ZFHX3: variants seen among roughly 807,000 people sequenced by gnomAD.
ZFHX3 encodes zinc finger homeobox protein 3.
In ZFHX3, 42 loss-of-function variants were observed where a neutral mutation model predicts 279.1. That is an observed-to-expected ratio of 0.15 (90% CI 0.12 to 0.19). The LOEUF is 0.19. Among genes scored for constraint, ZFHX3 ranks in the 10% least tolerant of loss-of-function variants. The pLI is 1.00. For missense variants in ZFHX3, 4,981 were observed against 4,754.0 expected (o/e 1.05, Z -1.40); for synonymous variants, 2,293 against 1,957.8 (o/e 1.17, Z -4.52).
chr16:73,428,879 C>T (rs561899655), intron 3 of ZFHX3, among the ~76,000 whole-genome samples: 22 of 152,204 alleles, frequency 1.4e-4, no homozygotes, highest in Admixed American at 5.2e-4. Context: ...GCGTTCTTCC[C>T]GTCAGCCTCA....
At chr16:72,995,330 C>T (rs965893629) in intron 1 of ZFHX3, among the ~76,000 whole-genome samples, 1 of 152,126 alleles carries the variant, frequency 6.6e-6, no homozygotes, top group African/African-American at 2.4e-5. Flanking sequence ...CCCTGGAGGA[C>T]GGAACGGGAA....
intron 2 of ZFHX3, among the ~76,000 whole-genome samples, chr16:73,578,612 A>C (rs569371473): frequency 1.4e-4 from 21 of 152,326 alleles, no homozygotes; most frequent in African/African-American, 4.8e-4. Context: ...ACAGACACCC[A>C]AGGAAGTGAT....
chr16:73,774,000 C>T (rs11859018), intron 1 of ZFHX3, among the ~76,000 whole-genome samples: 4,865 of 152,068 alleles, frequency 0.032, 245 homozygotes, highest in African/African-American at 0.11. Context: ...TAGCCAGGCA[C>T]GGTGACATGT....
intron 4 of ZFHX3, among the ~76,000 whole-genome samples, chr16:72,854,263 C>T (rs1466658188): frequency 2.6e-5 from 4 of 152,216 alleles, no homozygotes; most frequent in Non-Finnish European, 5.9e-5. Flanking sequence ...TTTTCTTTGC[C>T]TCCCATGTTT....
At chr16:73,659,499 A>G (rs2142173659) in intron 2 of ZFHX3, among the ~76,000 whole-genome samples, 1 of 152,118 alleles carries the variant, frequency 6.6e-6, no homozygotes, top group Non-Finnish European at 1.5e-5. Context: ...CCTAAATGTT[A>G]CCCTCAGAGA....
At chr16:73,170,397 ATTTG>A (rs1967494723) in intron 5 of ZFHX3, among the ~76,000 whole-genome samples, 1 of 151,518 alleles carries the variant, frequency 6.6e-6, no homozygotes, top group Admixed American at 6.6e-5. Context: ...GACCCAGCTA[ATTTG>A]TTTATTTTGG....
At chr16:73,221,345 C>T (rs1421639153) in intron 5 of ZFHX3, among the ~76,000 whole-genome samples, 1 of 151,984 alleles carries the variant, frequency 6.6e-6, no homozygotes, top group Admixed American at 6.6e-5. Flanking sequence ...TATACATCTT[C>T]AAATATAAAG....
chr16:73,630,359 C>T lies in ZFHX3; in HGVS notation c.-1547+49821G>A, dbSNP rs142070141. ...GAACAAGTTTTATCTGGGGATCTCA[C>T]TTCATGTACATTGCTTTTCTAGAGC... On this transcript the variant is annotated intron_variant, in intron 2 of 17. Coordinates refer to the ZFHX3 transcript ENST00000641206. Among the ~76,000 whole-genome samples, 587 of 152,324 alleles carry T rather than the reference C, an allele frequency of 3.9e-3. 5 individuals carry two copies. Among genetic ancestry groups the T allele is most frequent in the African/African-American group, 0.014 (568 of 41,580 alleles).
At chr16:72,811,833 C>T (rs2036460314) in intron 6 of ZFHX3, 56 bp from the exon 7 acceptor site, 1 of 1,597,448 alleles carries the variant, frequency 6.3e-7, no homozygotes, top group Non-Finnish European at 8.6e-7. Flanking sequence ...AGCCCGCCCA[C>T]CCAAAAGTTT....
intron 4 of ZFHX3, among the ~76,000 whole-genome samples, chr16:72,871,537 T>C (rs1481987595): frequency 6.6e-6 from 1 of 151,972 alleles, no homozygotes; most frequent in African/African-American, 2.4e-5. Context: ...AGACGGGGTT[T>C]CACCACGTTG....
rs143922075 is a variant in ZFHX3 at position 73,518,565 on chromosome 16, G to A, written c.-1546-62307C>T. Among the ~76,000 whole-genome samples the A allele has an allele frequency of 2.0e-3, 311 of 152,238 alleles. 1 individual carries two copies. Among genetic ancestry groups the A allele is most frequent in the African/African-American group, 7.4e-3 (306 of 41,544 alleles). On this transcript the variant is annotated intron_variant, in intron 2 of 17. Coordinates refer to the ZFHX3 transcript ENST00000641206. ...ACAGTTAGCTCCTGGTCTGACAGGG[G>A]GAAGACTCTGCCCCGAGCAAGACAT... is the stretch of plus-strand genomic sequence containing the variant.
intron 5 of ZFHX3, among the ~76,000 whole-genome samples, chr16:73,178,379 T>G (rs982720849): frequency 6.6e-6 from 1 of 152,198 alleles, no homozygotes; most frequent in Non-Finnish European, 1.5e-5. Context: ...CCTCAAGTGA[T>G]CCGCCTGCCT....
At chr16:73,618,431 G>A (rs997247615) in intron 2 of ZFHX3, among the ~76,000 whole-genome samples, 1 of 152,108 alleles carries the variant, frequency 6.6e-6, no homozygotes, top group Non-Finnish European at 1.5e-5. Flanking sequence ...AAGCCTAGGA[G>A]GATTATTGTC....
chr16:73,187,940 G>A (rs1368664978), intron 5 of ZFHX3, among the ~76,000 whole-genome samples: 3 of 151,608 alleles, frequency 2.0e-5, no homozygotes, highest in Non-Finnish European at 4.4e-5. Flanking sequence ...CTCACTGCAA[G>A]CTCCGCCTCC....
chr16:73,884,238 G>A (rs1038415232), intron 1 of ZFHX3, among the ~76,000 whole-genome samples: 6 of 152,164 alleles, frequency 3.9e-5, no homozygotes, highest in Middle Eastern at 3.4e-3. Flanking sequence ...TGTACCTACT[G>A]ATCTGAATAC....
intron 3 of ZFHX3, among the ~76,000 whole-genome samples, chr16:72,930,155 T>G (rs1398549960): frequency 6.6e-6 from 1 of 152,038 alleles, no homozygotes; most frequent in African/African-American, 2.4e-5. Context: ...GAGGTGGAGG[T>G]TGCAGTGAGC....
Position 72,794,204 on chromosome 16 carries a change from G to A in ZFHX3, c.8478C>T (p.Asp2826=). 1 of 1,614,196 alleles carries A rather than the reference G, an allele frequency of 6.2e-7. No homozygotes were observed. Among genetic ancestry groups the A allele is most frequent in the African/African-American group, 1.3e-5 (1 of 75,040 alleles). The part of the protein sequence containing the change: ...PSMSSVNLNF[D]QTKLDNDDCS... The stretch of plus-strand genomic sequence containing the variant: ...AGTCATCGTTGTCCAGCTTAGTTTG[G>A]TCAAAGTTTAGATTAACTGAGGACA... Residue 2826 remains aspartate (D), a synonymous_variant, in exon 9 of 10, where the codon GAC becomes GAT. Transcript: ENST00000268489. The surrounding 1 kb of genome is among the most constrained non-coding windows in gnomAD (Gnocchi z 4.2).
chr16:73,812,062 G>A (rs927884604), intron 1 of ZFHX3, among the ~76,000 whole-genome samples: 1 of 152,154 alleles, frequency 6.6e-6, no homozygotes, highest in African/African-American at 2.4e-5. Context: ...TGAATAGTAG[G>A]GTCTAGAATT....
Position 73,425,666 on chromosome 16 carries a change from G to C in ZFHX3, c.-1291+30337C>G, listed in dbSNP as rs753387970. 2.0e-5 allele frequency among the ~76,000 whole-genome samples: 3 copies of C among 152,048 alleles called. No individual in the cohort carries two copies. The East Asian group carries it at 5.8e-4, about 29-fold the overall frequency. On this transcript the variant is annotated intron_variant, in intron 3 of 17. Transcript: ENST00000641206. ...TGGGTCGAGCTGATGGACCCCTCTC[G>C]TGTGTGATGGAACAAAAGAAGCTCT...
Sources: allele counts gnomAD v4.1 joint callset (sites outside exome capture counted in the v4.1 genomes callset), GRCh38; gene constraint gnomAD v4.1.1; non-coding constraint Gnocchi (gnomAD v3.1); transcripts MANE v1.5; gene names NCBI Gene and HGNC (gene_info 2026-07-23, HGNC 2026-07-21).